CNGB3: variants seen among roughly 807,000 people sequenced by gnomAD.
The protein encoded by CNGB3 is cyclic nucleotide gated channel subunit beta 3, also known as cyclic nucleotide-gated channel beta-3.
In CNGB3, 86 loss-of-function variants were observed where a neutral mutation model predicts 92.8. The observed-to-expected ratio is 0.93, with a 90% CI of 0.78 to 1.11. The LOEUF (loss-of-function observed/expected upper bound fraction) is 1.11, where lower values mean the gene tolerates loss of function less well. CNGB3 is among the 50% of genes least tolerant of loss of function. CNGB3 has a pLI of 0.00. For missense variants in CNGB3, 1,026 were observed against 956.8 expected, an observed-to-expected ratio of 1.07 and a Z score of -0.95; for synonymous variants, 333 against 332.7, an observed-to-expected ratio of 1.00 and a Z score of -0.01.
At chr8:86,712,830 A>C (rs1016166157) in intron 3 of CNGB3, among the ~76,000 whole-genome samples, 2 of 148,396 alleles carry the variant, frequency 1.3e-5, no homozygotes, top group African/African-American at 2.5e-5. Context: ...TGCTCAGGCA[A>C]TTCTCCCTCT....
rs557864352 is a variant in CNGB3 at position 86,668,029 on chromosome 8, A to G, written c.633T>C (p.Asp211=). Reference sequence around the variant, plus strand: ...ACCCTTTGATAATACCTGTGTATGAATCTATGCTGTTTGGAAGTTTAATTC... The same window carrying G: ...ACCCTTTGATAATACCTGTGTATGAGTCTATGCTGTTTGGAAGTTTAATTC... ...LKRIKLPNSI[D]SYTDRLYLLW... Residue 211 remains aspartate, a synonymous_variant, in exon 5 of 18, where the codon GAT becomes GAC. Coordinates refer to ENST00000320005, the MANE Select transcript of CNGB3 (RefSeq NM_019098.5). 22 of 1,613,976 alleles carry G rather than the reference A, an allele frequency of 1.4e-5. No homozygotes were observed. Among genetic ancestry groups the G allele is most frequent in the Non-Finnish European group, 1.0e-5 (12 of 1,180,012 alleles).
In CNGB3 at chr8:86,632,971, T is replaced by A. The variant is rs34307542; in HGVS notation, c.1179-78A>T. 0.073 allele frequency: 93,756 copies of A among 1,287,366 alleles called. 3,751 individuals carry two copies. Among genetic ancestry groups the A allele is most frequent in the African/African-American group, 0.11 (7,052 of 66,938 alleles). The allele number at this position is 1,287,366 out of a possible 1,614,324, so 79.7% of individuals were successfully genotyped here. A position where few individuals can be genotyped will look rare whatever the true frequency, so the allele number is the denominator to read the frequency against. ...CACTATTCTTGGGAGAATATAGTAC[T>A]ATTAAATTATAACAAATTTCCTACT... is the stretch of plus-strand genomic sequence containing the variant. On this transcript the variant is annotated intron_variant, in intron 10 of 17. Transcript: ENST00000320005.
chr8:86,597,869 T>G (rs544823874), intron 15 of CNGB3, among the ~76,000 whole-genome samples: 1 of 152,104 alleles, frequency 6.6e-6, no homozygotes, highest in Admixed American at 6.5e-5. Context: ...TCCCAGTTAC[T>G]TGGGAGACTG....
chr8:86,603,755 A>C (rs1298656880), intron 15 of CNGB3, among the ~76,000 whole-genome samples: 1 of 152,152 alleles, frequency 6.6e-6, no homozygotes, highest in Non-Finnish European at 1.5e-5. Context: ...CCTTGTTAGC[A>C]AGGCTTTCAA....
intron 3 of CNGB3, among the ~76,000 whole-genome samples, chr8:86,690,676 G>A (rs929881313): frequency 3.5e-4 from 54 of 152,148 alleles, no homozygotes; most frequent in African/African-American, 1.3e-3. Context: ...TTCTTCTAGG[G>A]TTTTTATGGT....
At position 86,575,737 on chromosome 8, in the gene CNGB3, T is replaced by G. The variant is rs566764255; in HGVS notation, c.*67A>C. The G allele has an allele frequency of 1.2e-5, 18 of 1,447,212 alleles. No homozygotes were observed. In the African/African-American group the frequency reaches 2.4e-4, roughly 19 times the overall value. 89.6% of individuals were successfully genotyped at this position (1,447,212 alleles called of 1,614,324 possible). ...AGCATGTCGTTTCCCCTCGTTAATT[T>G]AAGTTACAATCCTAGGTACAATCAC... On this transcript the variant is annotated 3_prime_UTR_variant, in exon 18 of 18. Coordinates refer to ENST00000320005, the MANE Select transcript of CNGB3 (RefSeq NM_019098.5).
chr8:86,596,763 C>T lies in CNGB3; in HGVS notation c.1781+7330G>A, dbSNP rs564435466. ...GCTGCTCTGTTCACAATAGCAAAGA[C>T]TTGGAATCAAACCAAATGTCCATCA... is the stretch of plus-strand genomic sequence containing the variant. On this transcript the variant is annotated intron_variant, in intron 15 of 17. Coordinates refer to ENST00000320005, the MANE Select transcript of CNGB3 (RefSeq NM_019098.5). Among the ~76,000 whole-genome samples, 4 of 152,238 alleles carry T rather than the reference C, an allele frequency of 2.6e-5. No individual in the cohort carries two copies. In the South Asian group the frequency reaches 6.2e-4, roughly 24 times the overall value.
At chr8:86,738,854 A>AAT (rs1825291462) in intron 2 of CNGB3, among the ~76,000 whole-genome samples, 1 of 151,498 alleles carries the variant, frequency 6.6e-6, no homozygotes, top group Admixed American at 6.6e-5. Flanking sequence ...AAAAAAAAAA[A>AAT]AAGGGAAGTG....
intron 2 of CNGB3, among the ~76,000 whole-genome samples, chr8:86,738,398 T>G (rs1009959301): frequency 1.3e-5 from 2 of 152,076 alleles, no homozygotes; most frequent in Non-Finnish European, 2.9e-5. Flanking sequence ...TAATGGAAAA[T>G]AATCTGCTAA....
chr8:86,712,783 G>T (rs1382371511), intron 3 of CNGB3, among the ~76,000 whole-genome samples: 1 of 135,686 alleles, frequency 7.4e-6, no homozygotes, highest in African/African-American at 2.8e-5. Context: ...TTTAGATGAG[G>T]TCTTGCTGTG....
intron 2 of CNGB3, among the ~76,000 whole-genome samples, chr8:86,734,243 G>A (rs1825207398): frequency 6.6e-6 from 1 of 152,038 alleles, no homozygotes; most frequent in Non-Finnish European, 1.5e-5. Context: ...TGGCTGAAAT[G>A]CAGGCTATGT....
chr8:86,603,947 T>A (rs745461661), intron 15 of CNGB3, 146 bp downstream of exon 15: 4 of 648,496 alleles, frequency 6.2e-6, no homozygotes, highest in East Asian at 2.8e-5. Flanking sequence ...AAGGGATGAA[T>A]AAAAATATGA....
chr8:86,629,409 G>A (rs1363811594), intron 11 of CNGB3, among the ~76,000 whole-genome samples: 1 of 152,166 alleles, frequency 6.6e-6, no homozygotes, highest in Non-Finnish European at 1.5e-5. Flanking sequence ...ACTACACATA[G>A]TCTTCTTTGG....
chr8:86,634,883 G>T lies in CNGB3; in HGVS notation c.1179-1990C>A, dbSNP rs139546977. 7.5e-4 allele frequency among the ~76,000 whole-genome samples: 114 copies of T among 151,528 alleles called. 1 individual carries two copies. The South Asian group carries it at 0.012, about 16-fold the overall frequency. On this transcript the variant is annotated intron_variant, in intron 10 of 17. Transcript: ENST00000320005. ...ACAAAGAAAGAAAGAAACTGCAGTT[G>T]AAGTTAATATTCAAATAAAAACAGA... is the stretch of plus-strand genomic sequence containing the variant.
intron 3 of CNGB3, among the ~76,000 whole-genome samples, chr8:86,693,999 C>T (rs1222118166): frequency 1.3e-5 from 2 of 151,456 alleles, no homozygotes; most frequent in Admixed American, 6.6e-5. Flanking sequence ...GGCAGAGGGG[C>T]TCCTCACTTC....
chr8:86,684,060 A>T (rs919179183), intron 3 of CNGB3, among the ~76,000 whole-genome samples: 8 of 152,174 alleles, frequency 5.3e-5, no homozygotes, highest in Non-Finnish European at 7.4e-5. Context: ...GCAAGCTACA[A>T]GCTGCAGAGT....
chr8:86,596,410 T>C (rs1219503487), intron 15 of CNGB3, among the ~76,000 whole-genome samples: 1 of 152,116 alleles, frequency 6.6e-6, no homozygotes, highest in African/African-American at 2.4e-5. Context: ...ATAAATAAAA[T>C]AAAACAAAGT....
chr8:86,615,405 C>T (rs1048506986), intron 13 of CNGB3, among the ~76,000 whole-genome samples: 1 of 151,926 alleles, frequency 6.6e-6, no homozygotes, highest in African/African-American at 2.4e-5. Flanking sequence ...GAGTTTGAGA[C>T]CAGCTTGGCC....
chr8:86,631,048 C>G (rs1822952011), intron 11 of CNGB3, among the ~76,000 whole-genome samples: 1 of 152,206 alleles, frequency 6.6e-6, no homozygotes. Context: ...TCTCTAGCCT[C>G]AATCTTTCTC....
Sources: allele counts gnomAD v4.1 joint callset (sites outside exome capture counted in the v4.1 genomes callset), GRCh38; gene constraint gnomAD v4.1.1; transcripts MANE v1.5; gene names NCBI Gene and HGNC (gene_info 2026-07-23, HGNC 2026-07-21).